Variants in NRXN1 observed in about 807,000 individuals in gnomAD.
NRXN1 encodes the protein neurexin 1, also known as neurexin-1.
NRXN1 carries 39 observed loss-of-function variants against 150.9 expected under a neutral mutation model. That is an observed-to-expected ratio of 0.26 (90% CI 0.20 to 0.34). NRXN1 has a LOEUF of 0.34. Ranked by LOEUF, NRXN1 falls within the 10% of genes least tolerant of loss-of-function variation. The probability of loss-of-function intolerance (pLI) is 1.00; values close to 1 mark genes in which losing one functional copy is unlikely to be tolerated. For missense variants in NRXN1, 1,815 were observed against 1,949.9 expected (o/e 0.93, Z 1.30); for synonymous variants, 924 against 757.0 (o/e 1.22, Z -3.62).
chr2:50,846,764 C>A (rs1028797237), intron 5 of NRXN1, among the ~76,000 whole-genome samples: 3 of 152,180 alleles, frequency 2.0e-5, no homozygotes, highest in African/African-American at 7.2e-5. Flanking sequence ...GGAAAAATAT[C>A]TTTCCTTTAT....
chr2:50,015,394 T>C (rs1240678818), intron 21 of NRXN1, among the ~76,000 whole-genome samples: 1 of 151,804 alleles, frequency 6.6e-6, no homozygotes, highest in African/African-American at 2.4e-5. Flanking sequence ...TAAGAGTTCA[T>C]CTCACTCTAG....
At chr2:50,994,497 G>T (rs1027037224) in intron 2 of NRXN1, among the ~76,000 whole-genome samples, 3 of 151,948 alleles carry the variant, frequency 2.0e-5, no homozygotes, top group African/African-American at 7.2e-5. Flanking sequence ...TAGCCAGAGA[G>T]GCAGAACAGA....
intron 8 of NRXN1, 43 bp downstream of exon 8, chr2:50,619,979 G>A (rs1346246105): frequency 1.3e-6 from 2 of 1,489,994 alleles, no homozygotes; most frequent in Non-Finnish European, 1.8e-6. Context: ...CTGAAATGAT[G>A]AGACCATGAA....
intron 5 of NRXN1, among the ~76,000 whole-genome samples, chr2:50,660,905 T>C (rs895518361): frequency 6.6e-6 from 1 of 152,032 alleles, no homozygotes; most frequent in African/African-American, 2.4e-5. Context: ...GTTTCTGACC[T>C]TAGAAAATTC....
At position 50,083,906 on chromosome 2, in the gene NRXN1, G is replaced by C. The variant is rs142656038; in HGVS notation, c.3718+7417C>G. On this transcript the variant is annotated intron_variant, in intron 19 of 22. Transcript: ENST00000401669. Reference sequence around the variant, plus strand: ...TTAGGTAGACATAAAGGTTCTCCAAGTCCGCACCAGATCAGCTAGACACAG... The same window carrying C: ...TTAGGTAGACATAAAGGTTCTCCAACTCCGCACCAGATCAGCTAGACACAG... Among the ~76,000 whole-genome samples the C allele has an allele frequency of 2.8e-3, 426 of 152,150 alleles. 3 individuals carry two copies. Among genetic ancestry groups the C allele is most frequent in the African/African-American group, 9.7e-3 (403 of 41,500 alleles).
intron 17 of NRXN1, among the ~76,000 whole-genome samples, chr2:50,265,122 G>A (rs115019860): frequency 0.021 from 3,192 of 152,108 alleles, 40 homozygotes; most frequent in Middle Eastern, 0.037. Flanking sequence ...ATATGAAGAA[G>A]TATAGAAACT....
chr2:50,784,915 G>C (rs1490066365), intron 5 of NRXN1, among the ~76,000 whole-genome samples: 5 of 152,080 alleles, frequency 3.3e-5, no homozygotes, highest in Non-Finnish European at 7.3e-5. Context: ...TTATAGATAC[G>C]AATTGGAATA....
chr2:50,794,675 T>G (rs961154123), intron 5 of NRXN1, among the ~76,000 whole-genome samples: 4 of 152,162 alleles, frequency 2.6e-5, no homozygotes, highest in African/African-American at 9.6e-5. Flanking sequence ...TGAAGAAAGA[T>G]CTCATCTACC....
At chr2:50,721,314 C>T (rs1171783761) in intron 5 of NRXN1, among the ~76,000 whole-genome samples, 3 of 152,120 alleles carry the variant, frequency 2.0e-5, no homozygotes, top group Non-Finnish European at 4.4e-5. Context: ...ATATGTCTGT[C>T]CTGTTATAAA....
At chr2:50,694,177 C>T (rs1288513729) in intron 5 of NRXN1, among the ~76,000 whole-genome samples, 1 of 151,850 alleles carries the variant, frequency 6.6e-6, no homozygotes, top group South Asian at 2.1e-4. Flanking sequence ...ATAATGGGTA[C>T]CAAATAGAAA....
intron 17 of NRXN1, among the ~76,000 whole-genome samples, chr2:50,410,408 A>G (rs1260184097): frequency 1.1e-4 from 17 of 152,292 alleles, no homozygotes; most frequent in South Asian, 6.2e-4. Flanking sequence ...TTTTGTACCT[A>G]TCTGCCTCTC....
At chr2:50,316,759 G>T in intron 17 of NRXN1, among the ~76,000 whole-genome samples, 1 of 151,972 alleles carries the variant, frequency 6.6e-6, no homozygotes, top group Admixed American at 6.6e-5. Flanking sequence ...CAAATTTGCC[G>T]AAAATATGTC....
At chr2:50,513,872 G>C (rs1008535862) in intron 12 of NRXN1, among the ~76,000 whole-genome samples, 5 of 151,932 alleles carry the variant, frequency 3.3e-5, no homozygotes, top group African/African-American at 1.2e-4. Context: ...TTAGATGTAT[G>C]TGCCCCAAGT....
intron 5 of NRXN1, among the ~76,000 whole-genome samples, chr2:50,682,816 A>G (rs1474048478): frequency 6.6e-6 from 1 of 152,198 alleles, no homozygotes; most frequent in Non-Finnish European, 1.5e-5. Context: ...AAAATTTTAA[A>G]GATATAGCTT....
At chr2:50,660,042 T>C (rs920345431) in intron 5 of NRXN1, among the ~76,000 whole-genome samples, 1 of 152,002 alleles carries the variant, frequency 6.6e-6, no homozygotes, top group African/African-American at 2.4e-5. Flanking sequence ...GTGCTTGGTG[T>C]TCAGGGGGCA....
chr2:50,437,593 C>T (rs966783792), intron 17 of NRXN1, among the ~76,000 whole-genome samples: 1 of 151,888 alleles, frequency 6.6e-6, no homozygotes, highest in Non-Finnish European at 1.5e-5. Context: ...GGGGGTGAGG[C>T]TGTGGGGAGA....
intron 17 of NRXN1, among the ~76,000 whole-genome samples, chr2:50,253,863 C>T (rs1223916346): frequency 2.7e-5 from 3 of 112,464 alleles, no homozygotes; most frequent in Non-Finnish European, 5.7e-5. Flanking sequence ...GGATATTGAC[C>T]TGAAGTTTTC....
At chr2:50,317,808 A>T (rs1287203518) in intron 17 of NRXN1, among the ~76,000 whole-genome samples, 2 of 152,078 alleles carry the variant, frequency 1.3e-5, no homozygotes, top group Non-Finnish European at 2.9e-5. Context: ...CATTCCAAAA[A>T]GATCATGAAA....
chr2:51,028,067 G>A lies in NRXN1; in HGVS notation c.207C>T (p.Tyr69=). 6.3e-7 allele frequency: 1 copy of A among 1,596,850 alleles called. No individual in the cohort carries two copies. The highest frequency in any genetic ancestry group is 8.5e-7 in the Non-Finnish European group (1 of 1,175,538). ...AGTCGCAGAAGCCCTCGTCGTCGAA[G>A]TAGAGCACGAGGCCGCGGGCGCTGC... ...KTRSARGLVL[Y]FDDEGFCDFL... Residue 69 remains tyrosine (Y), a synonymous_variant, in exon 2 of 23, where the codon TAC becomes TAT. Transcript: ENST00000401669.
Sources: gnomAD v4.1 joint callset for allele counts (sites outside exome capture counted in the v4.1 genomes callset) on GRCh38, gnomAD v4.1.1 for gene constraint, MANE v1.5 for transcripts, NCBI Gene and HGNC (gene_info 2026-07-23, HGNC 2026-07-21) for gene names.